The following MYRFL variants were observed in gnomAD, a reference collection of about 807,000 sequenced individuals.
MYRFL encodes the protein myelin regulatory factor like.
A neutral mutation model predicts 109.4 loss-of-function variants in MYRFL; 88 were observed. The ratio of observed to expected loss-of-function variants is 0.80; its 90% confidence interval spans 0.68 to 0.96. The LOEUF (loss-of-function observed/expected upper bound fraction) is 0.96. MYRFL is among the 40% of genes least tolerant of loss of function. The pLI, the probability that MYRFL is intolerant of heterozygous loss-of-function variation, is 0.00. For synonymous variants in MYRFL, 324 were observed against 320.9 expected, an observed-to-expected ratio of 1.01 and a Z score of -0.10; for missense variants, 957 against 954.9, an observed-to-expected ratio of 1.00 and a Z score of -0.03.
chr12:69,935,241 GC>G (rs1384779381), intron 16 of MYRFL, among the ~76,000 whole-genome samples: 1 of 152,040 alleles, frequency 6.6e-6, no homozygotes, highest in Non-Finnish European at 1.5e-5. Flanking sequence ...TTGATGGGAA[GC>G]AAAATAATGA....
intron 15 of MYRFL, among the ~76,000 whole-genome samples, chr12:69,929,026 T>A (rs1380146): frequency 0.41 from 63,054 of 152,078 alleles, 14,451 homozygotes; most frequent in East Asian, 0.62. Flanking sequence ...AGGCCCTGTG[T>A]CTGCCTTCCT....
At chr12:69,828,089 A>G (rs955129030) in intron 1 of MYRFL, among the ~76,000 whole-genome samples, 1 of 152,132 alleles carries the variant, frequency 6.6e-6, no homozygotes, top group Non-Finnish European at 1.5e-5. Context: ...TTTAAGATCC[A>G]TGTGTCAAGA....
intron 13 of MYRFL, among the ~76,000 whole-genome samples, chr12:69,920,751 T>G (rs1369990485): frequency 6.6e-6 from 1 of 152,138 alleles, no homozygotes; most frequent in Admixed American, 6.5e-5. Context: ...AGGGCTGTAG[T>G]GAAAGATGAG....
In MYRFL at chr12:69,926,928, T is replaced by G. The variant is rs1955104407; in HGVS notation, c.1766+194T>G. Among the ~76,000 whole-genome samples the G allele has an allele frequency of 1.5e-5, 2 of 130,316 alleles. 1 individual carries two copies. The highest frequency in any genetic ancestry group is 5.6e-5 in the African/African-American group (2 of 35,598). 85.5% of individuals were successfully genotyped at this position (130,316 alleles called of 152,430 possible). On this transcript the variant is annotated intron_variant, in intron 14 of 24. Transcript: ENST00000552032. ...GATAACTTTCTTAGTTTTTTTCTGT[T>G]GCTGGTTTTTTTTTTTTTTTTTTTT...
intron 5 of MYRFL, among the ~76,000 whole-genome samples, chr12:69,885,641 A>G (rs960189095): frequency 6.6e-6 from 1 of 152,190 alleles, no homozygotes; most frequent in Non-Finnish European, 1.5e-5. Context: ...CATTTTACAT[A>G]AAAATTATCT....
At chr12:69,835,156 A>G (rs1465687241) in intron 1 of MYRFL, among the ~76,000 whole-genome samples, 1 of 152,134 alleles carries the variant, frequency 6.6e-6, no homozygotes, top group Non-Finnish European at 1.5e-5. Context: ...GTATCTATCA[A>G]CTGTCTTTCA....
intron 13 of MYRFL, among the ~76,000 whole-genome samples, chr12:69,922,204 C>T (rs554030933): frequency 6.6e-6 from 1 of 152,058 alleles, no homozygotes; most frequent in East Asian, 1.9e-4. Flanking sequence ...GACCATGTGA[C>T]CCACTGTAAA....
chr12:69,921,756 T>C (rs1203354365), intron 13 of MYRFL, among the ~76,000 whole-genome samples: 2 of 152,200 alleles, frequency 1.3e-5, no homozygotes, highest in Non-Finnish European at 2.9e-5. Flanking sequence ...ACCTGTAAGA[T>C]ATATGGTACT....
intron 5 of MYRFL, among the ~76,000 whole-genome samples, chr12:69,883,718 A>G (rs1886271463): frequency 6.6e-6 from 1 of 151,370 alleles, no homozygotes; most frequent in African/African-American, 2.4e-5. Context: ...AAAAAAAAAA[A>G]AAAAAAAAAT....
rs1956073005 is a variant in MYRFL, at chr12:69,955,510, A to G, written c.2450+73A>G. 5.1e-5 allele frequency: 28 copies of G among 549,726 alleles called. No homozygotes were observed. In the East Asian group the frequency reaches 7.9e-4, roughly 16 times the overall value. The allele number at this position is 549,726 out of a possible 1,614,324, so 34.1% of individuals were successfully genotyped here. A position where few individuals can be genotyped will look rare whatever the true frequency, so the allele number is the denominator to read the frequency against. On this transcript the variant is annotated intron_variant, in intron 22 of 24. Coordinates refer to ENST00000552032, the MANE Select transcript of MYRFL (RefSeq NM_182530.3). Reference sequence around the variant, plus strand: ...ATATGAAGTCTGGATTTACTTCACAATTTGGTCAGTCGTTAAGAGGCAGAA... The same window carrying G: ...ATATGAAGTCTGGATTTACTTCACAGTTTGGTCAGTCGTTAAGAGGCAGAA...
chr12:69,837,093 T>C lies in MYRFL; in HGVS notation c.46+11530T>C, dbSNP rs189882875. Among the ~76,000 whole-genome samples the C allele has an allele frequency of 1.9e-4, 29 of 152,144 alleles. No homozygotes were observed. The East Asian group carries it at 5.0e-3, about 26-fold the overall frequency. On this transcript the variant is annotated intron_variant, in intron 1 of 24. Transcript: ENST00000552032. ...ATTGACAGATATGCCTAAAATCGGA[T>C]TGGTAAATTTCAGGCAAGACCCTGT...
rs1042461917 is a variant in MYRFL at position 69,958,591 on chromosome 12, C to A, written c.*60C>A. The A allele has an allele frequency of 1.6e-6, 2 of 1,220,862 alleles. No homozygotes were observed. The highest frequency in any genetic ancestry group is 2.3e-6 in the Non-Finnish European group (2 of 882,708). 75.6% of individuals were successfully genotyped at this position (1,220,862 alleles called of 1,614,324 possible). On this transcript the variant is annotated 3_prime_UTR_variant, in exon 25 of 25. Transcript: ENST00000552032. ...TACTCAGGAATACATTTAACAGAAA[C>A]GAACATCCTCTTGCAACTTCTTTTT...
At chr12:69,944,234 C>T (rs12813213) in intron 19 of MYRFL, among the ~76,000 whole-genome samples, 12,151 of 124,918 alleles carry the variant, frequency 0.097, 851 homozygotes, top group East Asian at 0.41. Flanking sequence ...CACATGCACA[C>T]GTATGTTTAT....
In MYRFL at chr12:69,910,910, A is replaced by G; in HGVS notation, c.1582A>G (p.Asn528Asp). The change falls in exon 13 of 25, where the codon AAC becomes GAC. Residue 528 changes from asparagine (N) to aspartate (D), a missense_variant. Physicochemically the swap from Asn to Asp is conservative, Grantham distance 23 (BLOSUM62 1). Transcript: ENST00000552032. Reference protein sequence around the residue: ...VTCGNGETLENFLMVDKDQIF... With the variant: ...VTCGNGETLEDFLMVDKDQIF... ...CTGCGGAAACGGAGAGACCTTGGAG[A>G]ACTTCCTCATGGTGGATAAGGTAAT... 6.5e-7 allele frequency: 1 copy of G among 1,534,906 alleles called. No individual in the cohort carries two copies.
At chr12:69,910,652 GGAAAA>G (rs1478838072) in intron 12 of MYRFL, among the ~76,000 whole-genome samples, 164 bp from the exon 13 acceptor site, 1 of 142,110 alleles carries the variant, frequency 7.0e-6, no homozygotes, top group Admixed American at 7.0e-5. Context: ...AAAAAAAAAA[GGAAAA>G]GAAAAAACAG....
chr12:69,846,666 A>G (rs916496920), intron 1 of MYRFL, among the ~76,000 whole-genome samples: 3 of 152,280 alleles, frequency 2.0e-5, no homozygotes, highest in African/African-American at 2.4e-5. Context: ...ATACGTGTCC[A>G]TGTGTCTTTA....
intron 19 of MYRFL, among the ~76,000 whole-genome samples, chr12:69,944,948 A>G (rs1955786345): frequency 6.6e-6 from 1 of 152,076 alleles, no homozygotes; most frequent in Non-Finnish European, 1.5e-5. Flanking sequence ...GTATTAAATT[A>G]CCATGATGTA....
rs949051585 is a variant in MYRFL, at chr12:69,903,585, G to A, written c.1183-59G>A. On this transcript the variant is annotated intron_variant, in intron 10 of 24. Transcript: ENST00000552032. Reference sequence around the variant, plus strand: ...GTTTGCCTTTGCTCTGAACACTAATGTGATCATCTATTCCTGCTACTGTTA... The same window carrying A: ...GTTTGCCTTTGCTCTGAACACTAATATGATCATCTATTCCTGCTACTGTTA... 531 of 1,494,260 alleles carry A rather than the reference G, an allele frequency of 3.6e-4. 1 individual carries two copies. The highest frequency in any genetic ancestry group is 3.8e-4 in the Non-Finnish European group (425 of 1,112,750). The allele number at this position is 1,494,260 out of a possible 1,614,324, so 92.6% of individuals were successfully genotyped here.
chr12:69,883,470 A>G (rs541207998), intron 5 of MYRFL, among the ~76,000 whole-genome samples: 3 of 152,294 alleles, frequency 2.0e-5, no homozygotes, highest in South Asian at 4.1e-4. Context: ...AAATTGTGGT[A>G]TATTTATACA....
Sources: gnomAD v4.1 joint callset for allele counts (sites outside exome capture counted in the v4.1 genomes callset) on GRCh38, gnomAD v4.1.1 for gene constraint, MANE v1.5 for transcripts, NCBI Gene and HGNC (gene_info 2026-07-23, HGNC 2026-07-21) for gene names.